SCARA3: variants seen among roughly 807,000 people sequenced by gnomAD.
The protein encoded by SCARA3 is cellular stress response gene protein.
Under a neutral mutation model 47.0 loss-of-function variants are expected in SCARA3, and 39 were observed. That is an observed-to-expected ratio of 0.83 (90% confidence interval 0.64 to 1.08). The LOEUF is 1.08. SCARA3 is among the 50% of genes least tolerant of loss of function. The probability of loss-of-function intolerance (pLI) is 0.00; values close to 1 mark genes in which losing one functional copy is unlikely to be tolerated. For missense variants in SCARA3, 724 were observed against 792.3 expected (o/e 0.91, Z 1.04); for synonymous variants, 356 against 334.1 (o/e 1.07, Z -0.71).
the SCARA3 span, chr8:27,701,148 A>G: frequency 6.6e-6 from 1 of 152,194 alleles, no homozygotes; most frequent in Non-Finnish European, 1.5e-5. Context: ...TCAAAAGCAC[A>G]TTGAGTAGAG....
At chr8:27,650,124 C>T (rs1367547664) in intron 2 of SCARA3, among the ~76,000 whole-genome samples, 1 of 152,186 alleles carries the variant, frequency 6.6e-6, no homozygotes, top group Admixed American at 6.5e-5. Context: ...TCCCAAGTAG[C>T]TGTGACTGTT....
At chr8:27,683,034 AAC>A in the SCARA3 span, among the ~76,000 whole-genome samples, 1 of 152,314 alleles carries the variant, frequency 6.6e-6, no homozygotes, top group African/African-American at 2.4e-5. Context: ...AAACAAAAAA[AAC>A]ACACAAAAAA....
the SCARA3 span, among the ~76,000 whole-genome samples, chr8:27,720,156 G>C: frequency 6.6e-6 from 1 of 151,508 alleles, no homozygotes; most frequent in African/African-American, 2.4e-5. Context: ...CTTCAAGGCT[G>C]GGTGCTCGAA....
the SCARA3 span, among the ~76,000 whole-genome samples, chr8:27,717,459 T>G: frequency 6.6e-6 from 1 of 152,192 alleles, no homozygotes; most frequent in East Asian, 1.9e-4. Context: ...TTCCATGTAA[T>G]TTTTATTTTG....
At chr8:27,648,005 G>A (rs1401826816) in intron 1 of SCARA3, among the ~76,000 whole-genome samples, 1 of 152,190 alleles carries the variant, frequency 6.6e-6, no homozygotes, top group Non-Finnish European at 1.5e-5. Context: ...AGCCCCCGAG[G>A]CTCCGCAGCT....
the SCARA3 span, among the ~76,000 whole-genome samples, chr8:27,699,370 T>C: frequency 6.6e-6 from 1 of 151,692 alleles, no homozygotes; most frequent in Non-Finnish European, 1.5e-5. Context: ...GACAGAGTCT[T>C]GCTCTGTCAC....
chr8:27,703,622 G>C, the SCARA3 span: 51,351 of 152,020 alleles, frequency 0.34, 8,764 homozygotes, highest in East Asian at 0.42. Context: ...CTAGGGTTGG[G>C]GGGGATCTGT....
chr8:27,667,793 G>A (rs1185637448), intron 5 of SCARA3, among the ~76,000 whole-genome samples: 4 of 152,274 alleles, frequency 2.6e-5, no homozygotes, highest in East Asian at 1.9e-4. Flanking sequence ...AGCTCCATCC[G>A]CCAGCCGTGA....
the SCARA3 span, among the ~76,000 whole-genome samples, chr8:27,683,431 A>G: frequency 1.3e-5 from 2 of 152,160 alleles, no homozygotes; most frequent in African/African-American, 4.8e-5. Flanking sequence ...CCTTTTTTGT[A>G]TATAAACTAT....
At chr8:27,647,235 CACACACATGT>C (rs1376298348) in intron 1 of SCARA3, among the ~76,000 whole-genome samples, 2 of 152,216 alleles carry the variant, frequency 1.3e-5, no homozygotes, top group African/African-American at 4.8e-5. Context: ...GACACACCCT[CACACACATGT>C]GCACACATAC....
At chr8:27,692,847 G>A in the SCARA3 span, among the ~76,000 whole-genome samples, 10 of 152,140 alleles carry the variant, frequency 6.6e-5, no homozygotes, top group South Asian at 1.0e-3. Context: ...AATCTAGGCC[G>A]GGTATGGTGG....
the SCARA3 span, among the ~76,000 whole-genome samples, chr8:27,685,703 T>C: frequency 2.0e-5 from 3 of 152,108 alleles, no homozygotes; most frequent in Non-Finnish European, 1.5e-5. Flanking sequence ...TATGATGCAG[T>C]GGAAAGTACA....
Position 27,659,398 on chromosome 8 carries a change from A to G in SCARA3, c.1228A>G (p.Thr410Ala), listed in dbSNP as rs1801841070. 1 of 1,613,986 alleles carries G rather than the reference A, an allele frequency of 6.2e-7. No homozygotes were observed. The highest frequency in any genetic ancestry group is 8.5e-7 in the Non-Finnish European group (1 of 1,179,936). The change falls in exon 5 of 6, where the codon ACA becomes GCA. Residue 410 changes from threonine (T) to alanine (A), a missense_variant. Thr to Ala is a moderately conservative substitution (Grantham distance 58). Coordinates refer to ENST00000301904, the MANE Select transcript of SCARA3 (RefSeq NM_016240.3). ...NKSVSIMLGTTDLLRERFSLL... is the reference protein window; with the variant it reads ...NKSVSIMLGTADLLRERFSLL... ...GTCTGTCTCCATCATGCTGGGCACC[A>G]CAGACCTGCTCCGGGAGCGCTTCAG...
the SCARA3 span, among the ~76,000 whole-genome samples, chr8:27,696,887 G>A: frequency 6.6e-6 from 1 of 152,108 alleles, no homozygotes; most frequent in Admixed American, 6.5e-5. Flanking sequence ...GGGCAGTGAT[G>A]GGAATGGAGA....
the SCARA3 span, among the ~76,000 whole-genome samples, chr8:27,728,958 T>A: frequency 6.6e-6 from 1 of 152,122 alleles, no homozygotes; most frequent in African/African-American, 2.4e-5. Flanking sequence ...TCCCAGGTAT[T>A]TGAGAGCTTG....
At chr8:27,704,459 A>G in the SCARA3 span, among the ~76,000 whole-genome samples, 1 of 152,208 alleles carries the variant, frequency 6.6e-6, no homozygotes, top group Non-Finnish European at 1.5e-5. Context: ...ATGTATAATA[A>G]TAATTTTAAA....
chr8:27,644,697 T>C (rs1801455421), intron 1 of SCARA3, among the ~76,000 whole-genome samples: 1 of 150,940 alleles, frequency 6.6e-6, no homozygotes, highest in Non-Finnish European at 1.5e-5. Context: ...ATAAACGGAG[T>C]CTCTCTCTAG....
At chr8:27,721,805 C>G in the SCARA3 span, among the ~76,000 whole-genome samples, 1 of 152,210 alleles carries the variant, frequency 6.6e-6, no homozygotes, top group African/African-American at 2.4e-5. Context: ...GGTGCAGTGG[C>G]TCTTGCCTGT....
chr8:27,717,366 A>G, the SCARA3 span, among the ~76,000 whole-genome samples: 1 of 152,226 alleles, frequency 6.6e-6, no homozygotes, highest in Non-Finnish European at 1.5e-5. Context: ...AACGAACAAC[A>G]TAATACAAGT....
Sources: gnomAD v4.1 joint callset for allele counts (sites outside exome capture counted in the v4.1 genomes callset) on GRCh38, gnomAD v4.1.1 for gene constraint, MANE v1.5 for transcripts, NCBI Gene and HGNC (gene_info 2026-07-23, HGNC 2026-07-21) for gene names.